OR4K1: variants seen among roughly 807,000 people sequenced by gnomAD.
The protein encoded by OR4K1 is olfactory receptor 4K1.
In OR4K1, 16 loss-of-function variants were observed where a neutral mutation model predicts 14.4. The ratio of observed to expected loss-of-function variants is 1.11; its 90% CI spans 0.75 to 1.68. OR4K1 has a LOEUF of 1.68. OR4K1 is among the 40% of genes most tolerant of loss of function. The pLI is 0.00. For synonymous variants in OR4K1, 181 were observed against 133.1 expected, an observed-to-expected ratio of 1.36 and a Z score of -2.48; for missense variants, 548 against 376.9, an observed-to-expected ratio of 1.45 and a Z score of -3.76.
chr14:19,930,670 C>A (rs1209558168), upstream of OR4K1, among the ~76,000 whole-genome samples: 1 of 152,208 alleles, frequency 6.6e-6, no homozygotes, highest in Non-Finnish European at 1.5e-5. Context: ...GACTGATACT[C>A]AGTTAAAATC....
chr14:19,920,686 A>G, the OR4K1 span: 8 of 1,613,826 alleles, frequency 5.0e-6, no homozygotes, highest in South Asian at 7.7e-5. Flanking sequence ...CAGCTTTTCT[A>G]TTTTTGTTTC....
the OR4K1 span, chr14:19,921,222 C>A: frequency 7.4e-6 from 12 of 1,614,166 alleles, no homozygotes; most frequent in South Asian, 3.3e-5. Flanking sequence ...TAGTGGAATT[C>A]TTTCCCTAAG....
chr14:19,930,042 A>G (rs1211508148), upstream of OR4K1, among the ~76,000 whole-genome samples: 1 of 152,218 alleles, frequency 6.6e-6, no homozygotes, highest in Non-Finnish European at 1.5e-5. Context: ...TTAACCATAC[A>G]TATTCATGTA....
chr14:19,925,949 G>T (rs1162851950), upstream of OR4K1, among the ~76,000 whole-genome samples: 1 of 152,250 alleles, frequency 6.6e-6, no homozygotes, highest in African/African-American at 2.4e-5. Flanking sequence ...GTAGGTGATT[G>T]CAAAGGCACT....
chr14:19,934,971 C>G (rs1184835342), intron 1 of OR4K1, among the ~76,000 whole-genome samples: 1 of 152,210 alleles, frequency 6.6e-6, no homozygotes, highest in African/African-American at 2.4e-5. Flanking sequence ...CCGTGCCTGG[C>G]CGCTTCTTTT....
chr14:19,921,314 A>C, the OR4K1 span: 1 of 1,614,164 alleles, frequency 6.2e-7, no homozygotes, highest in Non-Finnish European at 8.5e-7. Flanking sequence ...TGGCAAAGGC[A>C]TTTTCTACGC....
At chr14:19,920,930 T>C in the OR4K1 span, 1 of 1,614,198 alleles carries the variant, frequency 6.2e-7, no homozygotes, top group Non-Finnish European at 8.5e-7. Flanking sequence ...ACCTTTTTAC[T>C]GGAGGGGAGA....
chr14:19,929,861 G>C (rs1181117049), upstream of OR4K1, among the ~76,000 whole-genome samples: 2 of 152,176 alleles, frequency 1.3e-5, no homozygotes, highest in African/African-American at 4.8e-5. Flanking sequence ...CTGTCTGTTT[G>C]TCATTGTATA....
upstream of OR4K1, among the ~76,000 whole-genome samples, chr14:19,927,282 T>A (rs1882081504): frequency 6.6e-6 from 1 of 152,242 alleles, no homozygotes. Flanking sequence ...TACTACTCAC[T>A]CAGATGACCT....
At chr14:19,920,336 A>G in the OR4K1 span, among the ~76,000 whole-genome samples, 10 of 152,320 alleles carry the variant, frequency 6.6e-5, no homozygotes, top group South Asian at 1.2e-3. Flanking sequence ...CTACTGTATA[A>G]AAGACAAGGA....
chr14:19,921,840 G>A, the OR4K1 span, among the ~76,000 whole-genome samples: 1 of 152,142 alleles, frequency 6.6e-6, no homozygotes, highest in East Asian at 1.9e-4. Context: ...TTGTTACGGG[G>A]TAAATGTAAA....
the OR4K1 span, among the ~76,000 whole-genome samples, chr14:19,923,937 C>T: frequency 6.6e-6 from 1 of 152,174 alleles, no homozygotes; most frequent in Admixed American, 6.5e-5. Flanking sequence ...CCTGACTAGA[C>T]TCTGACAGAT....
At chr14:19,920,459 C>T in the OR4K1 span, 1 of 930,734 alleles carries the variant, frequency 1.1e-6, no homozygotes, top group Admixed American at 2.9e-5. Context: ...CTATTATGGC[C>T]TCTTCAAAAT....
chr14:19,921,082 A>T, the OR4K1 span: 1 of 1,614,154 alleles, frequency 6.2e-7, no homozygotes, highest in Non-Finnish European at 8.5e-7. Context: ...ACATTAAGCC[A>T]GTTATCATTT....
chr14:19,924,310 G>A, the OR4K1 span, among the ~76,000 whole-genome samples: 4 of 144,976 alleles, frequency 2.8e-5, no homozygotes, highest in East Asian at 8.9e-4. Flanking sequence ...TGAGGCAGGA[G>A]AATCGCTTGA....
chr14:19,925,496 T>C, the OR4K1 span, among the ~76,000 whole-genome samples: 98 of 152,386 alleles, frequency 6.4e-4, no homozygotes, highest in African/African-American at 2.1e-3. Context: ...AGGGGATTTG[T>C]TTATGGTAGA....
the OR4K1 span, among the ~76,000 whole-genome samples, chr14:19,925,208 T>G: frequency 6.6e-6 from 1 of 152,240 alleles, no homozygotes; most frequent in Non-Finnish European, 1.5e-5. Flanking sequence ...TGAAAAAGTG[T>G]AAAGGAAAGT....
In OR4K1 at chr14:19,936,394, A is replaced by G; in HGVS notation, c.728A>G (p.His243Arg). 1 of 1,614,230 alleles carries G rather than the reference A, an allele frequency of 6.2e-7. No homozygotes were observed. The highest frequency in any genetic ancestry group is 1.7e-5 in the Admixed American group (1 of 60,024). Residue 243 changes from histidine (H) to arginine (R), a missense_variant, in exon 2 of 2, where the codon CAC becomes CGC. Physicochemically the swap from His to Arg is conservative, Grantham distance 29. Transcript: ENST00000641172. ...SSKALSTLTA[H>R]ITVVILFFGP... ...AAGGCTCTTTCTACATTAACTGCCC[A>G]CATCACAGTGGTCATTCTTTTCTTC...
the OR4K1 span, chr14:19,921,464 T>C: frequency 6.2e-7 from 1 of 1,614,102 alleles, no homozygotes. Flanking sequence ...ACCCCATTAT[T>C]TATACACTAA....
Sources: gnomAD v4.1 joint callset for allele counts (sites outside exome capture counted in the v4.1 genomes callset) on GRCh38, gnomAD v4.1.1 for gene constraint, MANE v1.5 for transcripts, NCBI Gene and HGNC (gene_info 2026-07-23, HGNC 2026-07-21) for gene names.